FGF8: variants seen among roughly 807,000 people sequenced by gnomAD.
FGF8 encodes the protein fibroblast growth factor 8.
Under a neutral mutation model 29.7 loss-of-function variants are expected in FGF8, and 12 were observed. The observed-to-expected ratio is 0.40, with a 90% CI of 0.26 to 0.65. The LOEUF (loss-of-function observed/expected upper bound fraction) is 0.65. Ranked by LOEUF, FGF8 falls within the 30% of genes least tolerant of loss-of-function variation. The probability of loss-of-function intolerance (pLI) is 0.37; values close to 1 mark genes in which losing one functional copy is unlikely to be tolerated. For synonymous variants in FGF8, 157 were observed against 144.4 expected (o/e 1.09, Z -0.63); for missense variants, 271 against 345.1 (o/e 0.79, Z 1.70).
chr10:101,770,408 C>A lies in FGF8; in HGVS notation c.656G>T (p.Arg219Leu). ...GGGCGGGTAGTTGAGGAACTCGAAG[C>A]GCAGGCTCTGCTCGGTGGTGTGGTG... ...RGHHTTEQSL[R>L]FEFLNYPPFT... Residue 219 changes from arginine to leucine, a missense_variant, in exon 6 of 6, where the codon CGC becomes CTC. Around this residue, in one of 3 missense-constraint regions of FGF8, gnomAD observed 62 missense variants for 58.1 expected, o/e 1.07. Coordinates refer to ENST00000320185, the MANE Select transcript of FGF8 (RefSeq NM_033163.5). 6.2e-7 allele frequency: 1 copy of A among 1,607,550 alleles called. No individual in the cohort carries two copies. The highest frequency in any genetic ancestry group is 8.5e-7 in the Non-Finnish European group (1 of 1,177,428).
chr10:101,770,205 C>G lies in FGF8; in HGVS notation c.*124G>C, dbSNP rs3218239. 17,342 of 908,996 alleles carry G rather than the reference C, an allele frequency of 0.019. 242 individuals carry two copies. The highest frequency in any genetic ancestry group is 0.024 in the Non-Finnish European group (15,014 of 626,490). 56.3% of individuals were successfully genotyped at this position (908,996 alleles called of 1,614,324 possible). On this transcript the variant is annotated 3_prime_UTR_variant, in exon 6 of 6. Transcript: ENST00000320185. ...AGCAAACAATATCAACAACCGGAAC[C>G]CAGGGCTCCCCCAGCACCTCCCCAG... is the stretch of plus-strand genomic sequence containing the variant.
At position 101,771,545 on chromosome 10, in the gene FGF8, G is replaced by T; in HGVS notation, c.362C>A (p.Thr121Asn). 3 of 1,614,170 alleles carry T rather than the reference G, an allele frequency of 1.9e-6. No individual in the cohort carries two copies. Among genetic ancestry groups the T allele is most frequent in the Non-Finnish European group, 2.5e-6 (3 of 1,179,986 alleles). The change falls in exon 5 of 6, where the codon ACC becomes AAC. Residue 121 changes from threonine (T) to asparagine (N), a missense_variant. Thr to Asn is a moderately conservative substitution (Grantham distance 65). Transcript: ENST00000320185. The surrounding 1 kb of genome is among the most constrained non-coding windows in gnomAD (Gnocchi z 5.3). ...PFAKLIVETDTFGSRVRVRGA... is the reference protein window; with the variant it reads ...PFAKLIVETDNFGSRVRVRGA... ...TCGGACTCGAACTCTGCTTCCAAAGGTGTCCGTCTCCACGATGAGCTTTGC... is the reference window on the plus strand; with the variant it reads ...TCGGACTCGAACTCTGCTTCCAAAGTTGTCCGTCTCCACGATGAGCTTTGC...
At chr10:101,770,718 G>A (rs988395902) in intron 5 of FGF8, 99 bp from the exon 6 acceptor site, 5 of 1,353,174 alleles carry the variant, frequency 3.7e-6, no homozygotes, top group Non-Finnish European at 5.2e-6. Context: ...AGCAGATGGC[G>A]AGGTGGGCAG....
chr10:101,776,226 C>G, upstream of FGF8: 1 of 76,070 alleles, frequency 1.3e-5, no homozygotes, highest in Admixed American at 1.6e-4. Context: ...GAGGGGGGAG[C>G]GCGGGGCGGG....
chr10:101,778,422 T>G (rs776568430), upstream of FGF8, among the ~76,000 whole-genome samples: 12 of 152,226 alleles, frequency 7.9e-5, no homozygotes, highest in Non-Finnish European at 1.8e-4. Context: ...GAGACCAGCA[T>G]TCAGCTCCAG....
chr10:101,774,658 G>GC, intron 4 of FGF8, 74 bp downstream of exon 4: 1 of 1,313,128 alleles, frequency 7.6e-7, no homozygotes. Context: ...GACCCTGCAG[G>GC]CCCCCGGCCA....
chr10:101,778,286 G>A (rs1387469052), upstream of FGF8, among the ~76,000 whole-genome samples: 1 of 152,220 alleles, frequency 6.6e-6, no homozygotes, highest in East Asian at 1.9e-4. Flanking sequence ...GCAGGGAGTA[G>A]GCCCCAGGCA....
At chr10:101,779,945 T>G (rs1456836938), upstream of FGF8, among the ~76,000 whole-genome samples, 1 of 152,214 alleles carries the variant, frequency 6.6e-6, no homozygotes, top group African/African-American at 2.4e-5. This position sits in a 1 kb window ranked among gnomAD's most constrained non-coding sequence, Gnocchi z 5.7. Context: ...CGCCCAAGAT[T>G]CGGCCGCCCA....
Position 101,770,261 on chromosome 10 carries a change from T to G in FGF8, c.*68A>C. 26 of 1,453,576 alleles carry G rather than the reference T, an allele frequency of 1.8e-5. No individual in the cohort carries two copies. Among genetic ancestry groups the G allele is most frequent in the Non-Finnish European group, 2.3e-5 (25 of 1,078,568 alleles). The allele number at this position is 1,453,576 out of a possible 1,614,324, so 90.0% of individuals were successfully genotyped here. A position where few individuals can be genotyped will look rare whatever the true frequency, so the allele number is the denominator to read the frequency against. ...AGAGCAGCGCACAGCTCATCTTGCT[T>G]GAGTTTTGGGTGCCCTACAGGATGA... On this transcript the variant is annotated 3_prime_UTR_variant, in exon 6 of 6. Transcript: ENST00000320185.
chr10:101,770,389 G>A lies in FGF8; in HGVS notation c.675C>T (p.Tyr225=). Residue 225 remains tyrosine, a synonymous_variant, in exon 6 of 6, where the codon TAC becomes TAT. Transcript: ENST00000320185. Reference sequence around the variant, plus strand: ...CGCGCAGGCTGCGCGTGAAGGGCGGGTAGTTGAGGAACTCGAAGCGCAGGC... The same window carrying A: ...CGCGCAGGCTGCGCGTGAAGGGCGGATAGTTGAGGAACTCGAAGCGCAGGC... The part of the protein sequence containing the change: ...EQSLRFEFLN[Y]PPFTRSLRGS... 1 of 1,605,630 alleles carries A rather than the reference G, an allele frequency of 6.2e-7. No homozygotes were observed. Among genetic ancestry groups the A allele is most frequent in the Non-Finnish European group, 8.5e-7 (1 of 1,176,924 alleles).
chr10:101,772,352 T>G lies in FGF8; in HGVS notation c.338-783A>C, dbSNP rs1472120853. 6.6e-6 allele frequency among the ~76,000 whole-genome samples: 1 copy of G among 152,228 alleles called. No homozygotes were observed. The highest frequency in any genetic ancestry group is 1.5e-5 in the Non-Finnish European group (1 of 68,026). Reference sequence around the variant, plus strand: ...ATCACAGCTGGGCTTCTCAGCCCAGTGACCAAATAGCTTCTGTGGGTGAGG... The same window carrying G: ...ATCACAGCTGGGCTTCTCAGCCCAGGGACCAAATAGCTTCTGTGGGTGAGG... On this transcript the variant is annotated intron_variant, in intron 4 of 5. Transcript: ENST00000320185. This position sits in a 1 kb window ranked among gnomAD's most constrained non-coding sequence, Gnocchi z 4.4.
chr10:101,773,927 A>G (rs909869495), intron 4 of FGF8, among the ~76,000 whole-genome samples: 10 of 152,198 alleles, frequency 6.6e-5, no homozygotes, highest in Admixed American at 4.6e-4. Flanking sequence ...AGCTCTTAAA[A>G]TGCCTCACCT....
Position 101,770,194 on chromosome 10 carries a change from A to G in FGF8, c.*135T>C, listed in dbSNP as rs1050629264. ...AAAAACCCAACAGCAAACAATATCA[A>G]CAACCGGAACCCAGGGCTCCCCCAG... On this transcript the variant is annotated 3_prime_UTR_variant, in exon 6 of 6. Coordinates refer to ENST00000320185, the MANE Select transcript of FGF8 (RefSeq NM_033163.5). 2 of 792,900 alleles carry G rather than the reference A, an allele frequency of 2.5e-6. No individual in the cohort carries two copies. Among genetic ancestry groups the G allele is most frequent in the Admixed American group, 3.2e-5 (1 of 31,692 alleles). 49.1% of individuals were successfully genotyped at this position (792,900 alleles called of 1,614,324 possible).
At position 101,770,481 on chromosome 10, in the gene FGF8, G is replaced by T; in HGVS notation, c.583C>A (p.Arg195=). 3 of 1,613,432 alleles carry T rather than the reference G, an allele frequency of 1.9e-6. No individual in the cohort carries two copies. In the East Asian group the frequency reaches 6.7e-5, roughly 36 times the overall value. ...KGRPRKGSKT[R]QHQREVHFMK... is the part of the protein sequence containing the mutation. ...AAGTGGACCTCACGCTGGTGCTGCCGCGTCTTGGAGCCCTTGCGGGGCCGG... is the reference window on the plus strand; with the variant it reads ...AAGTGGACCTCACGCTGGTGCTGCCTCGTCTTGGAGCCCTTGCGGGGCCGG... Residue 195 remains arginine (R), a synonymous_variant, in exon 6 of 6, where the codon CGG becomes AGG. Coordinates refer to ENST00000320185, the MANE Select transcript of FGF8 (RefSeq NM_033163.5).
upstream of FGF8, among the ~76,000 whole-genome samples, chr10:101,777,444 G>C (rs920757400): frequency 1.3e-5 from 2 of 152,216 alleles, no homozygotes; most frequent in Non-Finnish European, 2.9e-5. Context: ...CCCTAGTCCA[G>C]CAGCACAGCC....
At chr10:101,780,252 C>T (rs548341725), upstream of FGF8, 3 of 152,438 alleles carry the variant, frequency 2.0e-5, no homozygotes, top group Admixed American at 1.3e-4. Flanking sequence ...TTGTCCTCAA[C>T]TTGAGGAAGA....
At position 101,775,079 on chromosome 10, in the gene FGF8, C is replaced by A; in HGVS notation, c.156+51G>T. ...GCCACCATCCCCCACCCACGCAAGT[C>A]GGGCAGACCCAGCCCAGGATGAACG... On this transcript the variant is annotated intron_variant, in intron 3 of 5. Coordinates refer to ENST00000320185, the MANE Select transcript of FGF8 (RefSeq NM_033163.5). The surrounding 1 kb of genome is among the most constrained non-coding windows in gnomAD (Gnocchi z 4.6). 2 of 1,517,204 alleles carry A rather than the reference C, an allele frequency of 1.3e-6. No homozygotes were observed. Among genetic ancestry groups the A allele is most frequent in the South Asian group, 2.4e-5 (2 of 83,424 alleles). The allele number at this position is 1,517,204 out of a possible 1,614,324, so 94.0% of individuals were successfully genotyped here. A position where few individuals can be genotyped will look rare whatever the true frequency, so the allele number is the denominator to read the frequency against.
rs1340878749 is a variant in FGF8, at chr10:101,775,947, C to T, written c.-47G>A. On this transcript the variant is annotated 5_prime_UTR_variant, in exon 1 of 6. Coordinates refer to ENST00000320185, the MANE Select transcript of FGF8 (RefSeq NM_033163.5). The surrounding 1 kb of genome is among the most constrained non-coding windows in gnomAD (Gnocchi z 4.6). ...GAGAGCCCGGCGGGTCACGCCGTCC[C>T]GCGGGCCGCCGCGGGAGGACGCGCT... The T allele has an allele frequency of 4.3e-6, 5 of 1,150,456 alleles. 1 individual carries two copies. Among genetic ancestry groups the T allele is most frequent in the Non-Finnish European group, 5.3e-6 (5 of 934,748 alleles). 71.3% of individuals were successfully genotyped at this position (1,150,456 alleles called of 1,614,324 possible).
rs1293181078 is a variant in FGF8, at chr10:101,775,248, G to A, written c.70-32C>T. On this transcript the variant is annotated intron_variant, in intron 2 of 5. Transcript: ENST00000320185. The surrounding 1 kb of genome is among the most constrained non-coding windows in gnomAD (Gnocchi z 4.6). ...GAGCAGGGCGCTTTTAAGTAGGGAG[G>A]CAGCCCTCCCCGACCCCTGACATTT... The A allele has an allele frequency of 6.9e-7, 1 of 1,441,352 alleles. No homozygotes were observed. The highest frequency in any genetic ancestry group is 2.5e-5 in the East Asian group (1 of 40,398). The allele number at this position is 1,441,352 out of a possible 1,614,324, so 89.3% of individuals were successfully genotyped here. A position where few individuals can be genotyped will look rare whatever the true frequency, so the allele number is the denominator to read the frequency against.
Sources: allele counts gnomAD v4.1 joint callset (sites outside exome capture counted in the v4.1 genomes callset), GRCh38; gene constraint gnomAD v4.1.1; regional missense constraint gnomAD v4.1.1; non-coding constraint Gnocchi (gnomAD v3.1); transcripts MANE v1.5; gene names NCBI Gene and HGNC (gene_info 2026-07-23, HGNC 2026-07-21).